Variants in PCDHA1 observed in about 807,000 individuals in gnomAD.
PCDHA1 encodes protocadherin alpha 1, also known as protocadherin alpha-1.
In PCDHA1, 42 loss-of-function variants were observed where a neutral mutation model predicts 61.3. The ratio of observed to expected loss-of-function variants is 0.69; its 90% CI spans 0.54 to 0.89. The LOEUF (loss-of-function observed/expected upper bound fraction) is 0.89, where lower values mean the gene tolerates loss of function less well. Ranked by LOEUF, PCDHA1 falls within the 40% of genes least tolerant of loss-of-function variation. The probability of loss-of-function intolerance (pLI) is 0.00; values close to 1 mark genes in which losing one functional copy is unlikely to be tolerated. For missense variants in PCDHA1, 1,256 were observed against 1,235.3 expected (o/e 1.02, Z -0.25); for synonymous variants, 610 against 553.8 (o/e 1.10, Z -1.43).
At chr5:140,842,682 C>G in intron 1 of PCDHA1, 1 of 1,595,358 alleles carries the variant, frequency 6.3e-7, no homozygotes. Context: ...AATGCTCCGG[C>G]GTTCGCGCAG....
chr5:140,841,798 T>C (rs1554138538), intron 1 of PCDHA1: 2 of 1,613,930 alleles, frequency 1.2e-6, no homozygotes, highest in East Asian at 2.2e-5. Flanking sequence ...GCGCGTCCGA[T>C]GCAGATGTTG....
Position 140,829,887 on chromosome 5 carries a change from C to T in PCDHA1, c.2394+41203C>T, listed in dbSNP as rs200115025. On this transcript the variant is annotated intron_variant, in intron 1 of 3. Transcript: ENST00000504120. ...GTGGCGAAGGTGCGCGCAGTTGACGCCGACTCAGGCTACAACGCGTGGCTT... is the reference window on the plus strand; with the variant it reads ...GTGGCGAAGGTGCGCGCAGTTGACGTCGACTCAGGCTACAACGCGTGGCTT... 91 of 1,613,822 alleles carry T rather than the reference C, an allele frequency of 5.6e-5. No homozygotes were observed. The highest frequency in any genetic ancestry group is 7.5e-5 in the Non-Finnish European group (89 of 1,179,888).
chr5:140,789,729 C>T (rs1581601907), intron 1 of PCDHA1, among the ~76,000 whole-genome samples: 1 of 152,000 alleles, frequency 6.6e-6, no homozygotes, highest in Non-Finnish European at 1.5e-5. Flanking sequence ...ACTTTTTTAG[C>T]TCATTCGATC....
chr5:140,999,995 A>G (rs1174530266), intron 3 of PCDHA1, among the ~76,000 whole-genome samples: 1 of 152,068 alleles, frequency 6.6e-6, no homozygotes, highest in Non-Finnish European at 1.5e-5. Flanking sequence ...GGGTAGTGGT[A>G]TTAGATTGGC....
chr5:140,795,639 C>A lies in PCDHA1; in HGVS notation c.2394+6955C>A, dbSNP rs375678815. 1.9e-6 allele frequency: 3 copies of A among 1,614,076 alleles called. No homozygotes were observed. The East Asian group carries it at 6.7e-5, about 36-fold the overall frequency. On this transcript the variant is annotated intron_variant, in intron 1 of 3. Coordinates refer to ENST00000504120, the MANE Select transcript of PCDHA1 (RefSeq NM_018900.4). ...GGGGCAAACCTGAGCTCACGGGCAC[C>A]GTTCAAATACTTATTAAGGTATTAG...
intron 1 of PCDHA1, chr5:140,835,455 C>T: frequency 2.5e-6 from 4 of 1,613,900 alleles, no homozygotes; most frequent in Non-Finnish European, 3.4e-6. Context: ...CCTGTCTCTC[C>T]CTATTCCAGA....
chr5:140,856,458 A>G, intron 1 of PCDHA1: 1 of 1,598,416 alleles, frequency 6.3e-7, no homozygotes, highest in South Asian at 1.1e-5. Context: ...GTAACAGAAC[A>G]AAAGCTCTCA....
At chr5:140,874,713 T>C (rs976044407) in intron 1 of PCDHA1, among the ~76,000 whole-genome samples, 2 of 152,248 alleles carry the variant, frequency 1.3e-5, no homozygotes, top group Non-Finnish European at 1.5e-5. Context: ...AGAGCAGTTA[T>C]GTGAAAAGTT....
In PCDHA1 at chr5:140,862,942, G is replaced by A. The variant is rs75462656; in HGVS notation, c.2394+74258G>A. 1.6e-3 allele frequency: 859 copies of A among 542,058 alleles called. 16 individuals carry two copies. In the East Asian group the frequency reaches 0.034, roughly 22 times the overall value. The allele number at this position is 542,058 out of a possible 1,614,324, so 33.6% of individuals were successfully genotyped here. ...GGTGGGCTGGCGGCGCTGTGAGTGA[G>A]CTGGTGCGGTATTCAGTGGATGCAG... On this transcript the variant is annotated intron_variant, in intron 1 of 3. Transcript: ENST00000504120.
At chr5:140,823,631 T>G in intron 1 of PCDHA1, 2 of 1,614,056 alleles carry the variant, frequency 1.2e-6, no homozygotes, top group Non-Finnish European at 1.7e-6. Context: ...AGTGCGCGCA[T>G]CCCGTTCCGC....
intron 1 of PCDHA1, among the ~76,000 whole-genome samples, chr5:140,800,113 G>A (rs782577375): frequency 9.9e-5 from 15 of 152,154 alleles, no homozygotes; most frequent in African/African-American, 3.6e-4. Flanking sequence ...CATCAAAAAC[G>A]TAATTACTTT....
At position 140,876,890 on chromosome 5, in the gene PCDHA1, A is replaced by G. The variant is rs373414098; in HGVS notation, c.2394+88206A>G. On this transcript the variant is annotated intron_variant, in intron 1 of 3. Coordinates refer to ENST00000504120, the MANE Select transcript of PCDHA1 (RefSeq NM_018900.4). ...AAGGAGAACAACCCGCCGGGCTGCC[A>G]CATCTTCACGGTGTCGGCATGGGAC... The G allele has an allele frequency of 4.0e-5, 65 of 1,613,968 alleles. No individual in the cohort carries two copies. In the African/African-American group the frequency reaches 8.1e-4, roughly 20 times the overall value.
At chr5:140,963,032 T>G (rs541613535) in intron 1 of PCDHA1, among the ~76,000 whole-genome samples, 2 of 152,172 alleles carry the variant, frequency 1.3e-5, no homozygotes, top group African/African-American at 2.4e-5. Flanking sequence ...CAATTAACAT[T>G]TATTGAGAGT....
chr5:140,966,374 C>G (rs2095995934), intron 1 of PCDHA1: 1 of 405,056 alleles, frequency 2.5e-6, no homozygotes, highest in South Asian at 1.3e-4. Flanking sequence ...GCTGAGCAGT[C>G]CGGGTTCGCT....
At chr5:140,810,445 C>G (rs1312251271) in intron 1 of PCDHA1, 2 of 152,190 alleles carry the variant, frequency 1.3e-5, no homozygotes, top group South Asian at 2.1e-4. Context: ...TGTTTACATT[C>G]CTAGTAGTGC....
intron 1 of PCDHA1, chr5:140,836,045 C>G: frequency 1.2e-6 from 2 of 1,613,320 alleles, no homozygotes; most frequent in South Asian, 1.1e-5. Flanking sequence ...TGCAGGTGTT[C>G]GTGCTGGACG....
At chr5:140,882,114 C>T (rs1464753090) in intron 1 of PCDHA1, 25 of 1,406,582 alleles carry the variant, frequency 1.8e-5, no homozygotes, top group Non-Finnish European at 2.2e-5. Flanking sequence ...AAGAAAGCCG[C>T]CGTTTCTTTC....
At chr5:140,870,993 A>G in intron 1 of PCDHA1, 1 of 1,613,424 alleles carries the variant, frequency 6.2e-7, no homozygotes, top group South Asian at 1.1e-5. Context: ...CGGGCGAGAT[A>G]AGCACAACGC....
At chr5:140,905,395 G>T (rs1562949609) in intron 1 of PCDHA1, among the ~76,000 whole-genome samples, 1 of 152,166 alleles carries the variant, frequency 6.6e-6, no homozygotes. Context: ...AGGTCTGTGT[G>T]CCTATTTTTA....
Sources: allele counts gnomAD v4.1 joint callset (sites outside exome capture counted in the v4.1 genomes callset), GRCh38; gene constraint gnomAD v4.1.1; transcripts MANE v1.5; gene names NCBI Gene and HGNC (gene_info 2026-07-23, HGNC 2026-07-21).